Variants in TIA1 observed in about 807,000 individuals in gnomAD.
TIA1 encodes the protein cytotoxic granule associated RNA binding protein TIA1.
Under a neutral mutation model 65.9 loss-of-function variants are expected in TIA1, and 23 were observed. That is an observed-to-expected ratio of 0.35 (90% CI 0.25 to 0.49). TIA1 has a LOEUF of 0.49. Ranked by LOEUF, TIA1 falls within the 20% of genes least tolerant of loss-of-function variation. The pLI, the probability that TIA1 is intolerant of heterozygous loss-of-function variation, is 0.98. For synonymous variants in TIA1, 147 were observed against 149.4 expected (o/e 0.98, Z 0.12); for missense variants, 371 against 477.9 (o/e 0.78, Z 2.09).
In TIA1 at chr2:70,209,586, G is replaced by C. The variant is rs1055862818; in HGVS notation, c.*3133C>G. On this transcript the variant is annotated 3_prime_UTR_variant, in exon 13 of 13. Coordinates refer to ENST00000433529, the MANE Select transcript of TIA1 (RefSeq NM_022173.4). ...AATAACCTCCTATAAAGAAACGATT[G>C]GGGACTATCATTTTTGTGATTTAAC... 2.5e-6 allele frequency: 1 copy of C among 398,156 alleles called. No homozygotes were observed. Among genetic ancestry groups the C allele is most frequent in the African/African-American group, 2.1e-5 (1 of 48,592 alleles). The allele number at this position is 398,156 out of a possible 1,614,324, so 24.7% of individuals were successfully genotyped here. A position where few individuals can be genotyped will look rare whatever the true frequency, so the allele number is the denominator to read the frequency against.
chr2:70,247,741 C>T (rs1399274833), intron 1 of TIA1, among the ~76,000 whole-genome samples: 1 of 151,928 alleles, frequency 6.6e-6, no homozygotes, highest in East Asian at 1.9e-4. Flanking sequence ...AATCCATTTC[C>T]CCTCAATTGA....
At position 70,209,839 on chromosome 2, in the gene TIA1, C is replaced by T; in HGVS notation, c.*2880G>A. 1 of 397,334 alleles carries T rather than the reference C, an allele frequency of 2.5e-6. No homozygotes were observed. The highest frequency in any genetic ancestry group is 3.6e-5 in the East Asian group (1 of 27,956). 24.6% of individuals were successfully genotyped at this position (397,334 alleles called of 1,614,324 possible). Reference sequence around the variant, plus strand: ...GTAACCTCAGGACCACTGTACAGCACTTAGTAAACCTGTCTTTGTACATGC... The same window carrying T: ...GTAACCTCAGGACCACTGTACAGCATTTAGTAAACCTGTCTTTGTACATGC... On this transcript the variant is annotated 3_prime_UTR_variant, in exon 13 of 13. Transcript: ENST00000433529.
At chr2:70,233,837 A>T (rs1432877862) in intron 2 of TIA1, among the ~76,000 whole-genome samples, 2 of 152,192 alleles carry the variant, frequency 1.3e-5, no homozygotes, top group Admixed American at 6.5e-5. Flanking sequence ...TACTTAATTT[A>T]TATGCAGAAA....
intron 7 of TIA1, among the ~76,000 whole-genome samples, chr2:70,222,098 A>T (rs567906598): frequency 6.6e-6 from 1 of 152,092 alleles, no homozygotes; most frequent in African/African-American, 2.4e-5. Flanking sequence ...TACTTGAATT[A>T]TATCTCAATA....
intron 12 of TIA1, among the ~76,000 whole-genome samples, chr2:70,213,768 C>T (rs932566214): frequency 6.6e-6 from 1 of 152,054 alleles, no homozygotes; most frequent in Non-Finnish European, 1.5e-5. Flanking sequence ...TCTCCTGCCT[C>T]GGCCTCCCAA....
At chr2:70,217,517 C>T (rs1463752105) in intron 7 of TIA1, among the ~76,000 whole-genome samples, 1 of 152,182 alleles carries the variant, frequency 6.6e-6, no homozygotes, top group African/African-American at 2.4e-5. Context: ...CCTGCCTCAG[C>T]CTCCCAAGTA....
At chr2:70,219,288 C>T (rs1680143344) in intron 7 of TIA1, among the ~76,000 whole-genome samples, 1 of 152,076 alleles carries the variant, frequency 6.6e-6, no homozygotes, top group African/African-American at 2.4e-5. Context: ...GTGTATGGTC[C>T]AGGGAGCCAA....
chr2:70,236,442 G>T (rs895341450), intron 1 of TIA1, among the ~76,000 whole-genome samples: 1 of 151,678 alleles, frequency 6.6e-6, no homozygotes, highest in African/African-American at 2.4e-5. Context: ...CAGGTGACCC[G>T]CCTGCTTCAG....
At position 70,209,991 on chromosome 2, in the gene TIA1, A is replaced by G. The variant is rs1020675948; in HGVS notation, c.*2728T>C. ...GACTAGAATGTGAATCTCATTTTCA[A>G]CAAGTATCAGCAAGGAAAATGAGAC... On this transcript the variant is annotated 3_prime_UTR_variant, in exon 13 of 13. Coordinates refer to ENST00000433529, the MANE Select transcript of TIA1 (RefSeq NM_022173.4). 9 of 337,850 alleles carry G rather than the reference A, an allele frequency of 2.7e-5. No homozygotes were observed. The highest frequency in any genetic ancestry group is 2.1e-5 in the African/African-American group (1 of 47,662). 20.9% of individuals were successfully genotyped at this position (337,850 alleles called of 1,614,324 possible). A position where few individuals can be genotyped will look rare whatever the true frequency, so the allele number is the denominator to read the frequency against.
rs1485612562 is a variant in TIA1, at chr2:70,212,213, A to G, written c.*506T>C. 1 of 152,794 alleles carries G rather than the reference A, an allele frequency of 6.5e-6. No homozygotes were observed. The highest frequency in any genetic ancestry group is 1.5e-5 in the Non-Finnish European group (1 of 68,110). 9.5% of individuals were successfully genotyped at this position (152,794 alleles called of 1,614,324 possible). A position where few individuals can be genotyped will look rare whatever the true frequency, so the allele number is the denominator to read the frequency against. ...TATATTAAAAAACCCCAAAGGGATA[A>G]CAGTGGAGATGGGACAGCTCAAACA... On this transcript the variant is annotated 3_prime_UTR_variant, in exon 13 of 13. Transcript: ENST00000433529.
chr2:70,216,906 G>A lies in TIA1; in HGVS notation c.563C>T (p.Ala188Val). The A allele has an allele frequency of 6.2e-7, 1 of 1,613,972 alleles. No homozygotes were observed. The highest frequency in any genetic ancestry group is 8.5e-7 in the Non-Finnish European group (1 of 1,179,958). Residue 188 changes from alanine (A) to valine (V), a missense_variant, in exon 8 of 13, where the codon GCT becomes GTT. Ala to Val is a moderately conservative substitution (Grantham distance 64, BLOSUM62 0). Transcript: ENST00000433529. ...RTNWATRKPP[A>V]PKSTYESNTK... The stretch of plus-strand genomic sequence containing the variant: ...CCTACACTCATATGTACTCTTTGGA[G>A]CGGGAGGCTTTCGGGTTGCCCAGTT...
At chr2:70,242,723 A>G (rs767403602) in intron 1 of TIA1, among the ~76,000 whole-genome samples, 1 of 152,112 alleles carries the variant, frequency 6.6e-6, no homozygotes, top group Non-Finnish European at 1.5e-5. Flanking sequence ...GCAGGAGGTG[A>G]GCAGCAGGGG....
intron 1 of TIA1, among the ~76,000 whole-genome samples, chr2:70,241,612 A>G (rs2104699538): frequency 6.6e-6 from 1 of 152,196 alleles, no homozygotes; most frequent in East Asian, 1.9e-4. Context: ...AAAAGAAGTC[A>G]CGGTGATTTT....
At chr2:70,216,719 ATTAT>A (rs768849629) in intron 8 of TIA1, 163 bp downstream of exon 8, 1 of 1,503,382 alleles carries the variant, frequency 6.7e-7, no homozygotes, top group Non-Finnish European at 8.9e-7. Context: ...TAGAAATAAT[ATTAT>A]TTATAATTAC....
intron 2 of TIA1, 109 bp from the exon 3 acceptor site, chr2:70,230,963 G>T: frequency 1.4e-6 from 1 of 732,828 alleles, no homozygotes; most frequent in Non-Finnish European, 2.2e-6. Context: ...TAAGTTATCA[G>T]GCCATGGAGA....
chr2:70,242,080 A>G (rs1692041095), intron 1 of TIA1, among the ~76,000 whole-genome samples: 1 of 152,146 alleles, frequency 6.6e-6, no homozygotes, highest in Admixed American at 6.6e-5. Context: ...AATTTTGATA[A>G]TTATACCACG....
At chr2:70,232,411 A>G (rs755140937) in intron 2 of TIA1, among the ~76,000 whole-genome samples, 45 of 144,476 alleles carry the variant, frequency 3.1e-4, no homozygotes, top group Non-Finnish European at 6.3e-4. Flanking sequence ...GTGGTGGTGC[A>G]TGCCTGTAAT....
chr2:70,225,249 C>T (rs1347027516), intron 6 of TIA1: 3 of 1,141,518 alleles, frequency 2.6e-6, no homozygotes, highest in Non-Finnish European at 3.3e-6. Flanking sequence ...TTTATAATAG[C>T]ATTCATATAA....
At chr2:70,223,430 T>C (rs1251897111) in intron 7 of TIA1, among the ~76,000 whole-genome samples, 1 of 152,208 alleles carries the variant, frequency 6.6e-6, no homozygotes, top group Admixed American at 6.5e-5. Context: ...TTTTCAACTT[T>C]TTTTTTCTTG....
Sources: gnomAD v4.1 joint callset for allele counts (sites outside exome capture counted in the v4.1 genomes callset) on GRCh38, gnomAD v4.1.1 for gene constraint, MANE v1.5 for transcripts, NCBI Gene and HGNC (gene_info 2026-07-23, HGNC 2026-07-21) for gene names.